Variants in CDC42BPA observed in about 807,000 individuals in gnomAD.
The protein encoded by CDC42BPA is serine/threonine-protein kinase MRCK alpha.
Under a neutral mutation model 223.5 loss-of-function variants are expected in CDC42BPA, and 80 were observed. The observed-to-expected ratio is 0.36, with a 90% CI of 0.30 to 0.43. The LOEUF is 0.43. Among genes scored for constraint, CDC42BPA ranks in the 20% least tolerant of loss-of-function variants. The pLI, the probability that CDC42BPA is intolerant of heterozygous loss-of-function variation, is 1.00. For missense variants in CDC42BPA, 1,743 were observed against 2,099.9 expected, an observed-to-expected ratio of 0.83 and a Z score of 3.32; for synonymous variants, 694 against 718.6, an observed-to-expected ratio of 0.97 and a Z score of 0.55.
intron 34 of CDC42BPA, among the ~76,000 whole-genome samples, chr1:227,014,361 G>C (rs1665802121): frequency 6.6e-6 from 1 of 151,850 alleles, no homozygotes. Context: ...TGATTAATGA[G>C]GCTGGTTTGA....
intron 5 of CDC42BPA, among the ~76,000 whole-genome samples, chr1:227,165,302 A>G (rs564871705): frequency 1.1e-4 from 16 of 152,348 alleles, no homozygotes; most frequent in African/African-American, 3.8e-4. Context: ...GAGAACATAC[A>G]TATGATAAAT....
chr1:227,255,752 GAA>G (rs1682933626), intron 1 of CDC42BPA, among the ~76,000 whole-genome samples: 1 of 152,166 alleles, frequency 6.6e-6, no homozygotes, highest in African/African-American at 2.4e-5. Flanking sequence ...CCAATGAGGT[GAA>G]AGACTTGTAC....
intron 2 of CDC42BPA, among the ~76,000 whole-genome samples, chr1:227,251,839 C>T (rs1028722889): frequency 6.6e-6 from 1 of 152,056 alleles, no homozygotes; most frequent in African/African-American, 2.4e-5. Flanking sequence ...GGATTCTAAT[C>T]ACATAGAGTA....
Position 227,035,530 on chromosome 1 carries a change from C to T in CDC42BPA, c.3277G>A (p.Gly1093Ser). The T allele has an allele frequency of 6.2e-7, 1 of 1,611,542 alleles. No individual in the cohort carries two copies. Among genetic ancestry groups the T allele is most frequent in the Non-Finnish European group, 8.5e-7 (1 of 1,179,070 alleles). Residue 1093 changes from glycine (G) to serine (S), a missense_variant, in exon 25 of 37, where the codon GGT (glycine) becomes AGT (serine). Gly to Ser is a moderately conservative substitution (Grantham distance 56). Transcript: ENST00000366766. ...TTCTGAGGATCTATACCCAGGGGAC[C>T]TTTTGTCTGTTCAGGAGGAACTGGA... ...TCPVPPEQTK[G>S]PLGIDPQKGI...
chr1:227,313,092 T>A (rs1254773492), intron 1 of CDC42BPA, among the ~76,000 whole-genome samples: 1 of 152,024 alleles, frequency 6.6e-6, no homozygotes, highest in Non-Finnish European at 1.5e-5. Flanking sequence ...ATACATAAAA[T>A]AAAAAGAGTA....
Position 227,023,361 on chromosome 1 carries a change from C to T in CDC42BPA, c.4531-14G>A. 1 of 1,373,724 alleles carries T rather than the reference C, an allele frequency of 7.3e-7. No homozygotes were observed. Among genetic ancestry groups the T allele is most frequent in the Non-Finnish European group, 1.0e-6 (1 of 993,138 alleles). The allele number at this position is 1,373,724 out of a possible 1,614,324, so 85.1% of individuals were successfully genotyped here. On this transcript the variant is annotated splice_polypyrimidine_tract_variant and intron_variant, in intron 31 of 36. Coordinates refer to ENST00000366766, the MANE Select transcript of CDC42BPA (RefSeq NM_001394014.1). ...TAAGGGTCGAACCTAAAATAAAAGA[C>T]AAAATTAGTATTTCAACAAAACCTT...
At chr1:227,003,864 A>C (rs1232259500) in intron 35 of CDC42BPA, among the ~76,000 whole-genome samples, 1 of 152,194 alleles carries the variant, frequency 6.6e-6, no homozygotes, top group African/African-American at 2.4e-5. Flanking sequence ...AGAGAGACTA[A>C]TAAAGACTGT....
intron 4 of CDC42BPA, among the ~76,000 whole-genome samples, chr1:227,198,843 G>A (rs957914440): frequency 6.6e-6 from 1 of 151,662 alleles, no homozygotes; most frequent in African/African-American, 2.4e-5. Context: ...TGCCTCCCAG[G>A]TTCAGGCTAT....
chr1:227,238,271 T>C (rs1374884069), intron 2 of CDC42BPA, among the ~76,000 whole-genome samples: 6 of 151,230 alleles, frequency 4.0e-5, no homozygotes, highest in South Asian at 2.1e-4. Flanking sequence ...AGTGGGAAGA[T>C]AGCTTGAGCC....
chr1:227,042,470 T>C (rs1044443404), intron 23 of CDC42BPA, among the ~76,000 whole-genome samples: 1 of 151,564 alleles, frequency 6.6e-6, no homozygotes, highest in Non-Finnish European at 1.5e-5. Context: ...ATAGGAGAGG[T>C]TGTGTAATCC....
chr1:227,059,277 C>T (rs1675278328), intron 21 of CDC42BPA: 1 of 988,164 alleles, frequency 1.0e-6, no homozygotes, highest in Non-Finnish European at 1.6e-6. Context: ...AATAATATAC[C>T]ACAAAAACAT....
chr1:227,020,832 G>A (rs907451640), intron 32 of CDC42BPA, among the ~76,000 whole-genome samples: 1 of 152,162 alleles, frequency 6.6e-6, no homozygotes, highest in Non-Finnish European at 1.5e-5. Context: ...CTTTCAATAT[G>A]CCTTCCTCAT....
At chr1:227,272,204 A>G (rs929905609) in intron 1 of CDC42BPA, among the ~76,000 whole-genome samples, 1 of 152,176 alleles carries the variant, frequency 6.6e-6, no homozygotes, top group Non-Finnish European at 1.5e-5. Flanking sequence ...ATTTAAAAAG[A>G]AATATTAAGG....
chr1:227,261,124 C>CTTTCTTTCTTTTTTT (rs386417862), intron 1 of CDC42BPA, among the ~76,000 whole-genome samples: 5 of 121,000 alleles, frequency 4.1e-5, no homozygotes, highest in Non-Finnish European at 8.4e-5. Context: ...TTGAGTTTTT[C>CTTTCTTTCTTTTTTT]TTTTTTTTTG....
At chr1:227,073,016 A>G (rs1459278841) in intron 19 of CDC42BPA, among the ~76,000 whole-genome samples, 1 of 152,134 alleles carries the variant, frequency 6.6e-6, no homozygotes, top group Admixed American at 6.5e-5. Context: ...ATAATCCAAC[A>G]GAAGTATCAT....
At chr1:227,198,383 AG>A (rs1671096787) in intron 4 of CDC42BPA, among the ~76,000 whole-genome samples, 1 of 150,526 alleles carries the variant, frequency 6.6e-6, no homozygotes, top group Admixed American at 6.6e-5. Context: ...GCTTGAGCCC[AG>A]GAATCAGATA....
At chr1:227,014,363 C>T (rs61567274) in intron 34 of CDC42BPA, among the ~76,000 whole-genome samples, 1 of 151,874 alleles carries the variant, frequency 6.6e-6, no homozygotes, top group Non-Finnish European at 1.5e-5. Context: ...ATTAATGAGG[C>T]TGGTTTGAAC....
At chr1:227,052,042 C>T (rs1246622866) in intron 21 of CDC42BPA, 57 bp from the exon 22 acceptor site, 2 of 1,037,728 alleles carry the variant, frequency 1.9e-6, no homozygotes, top group Non-Finnish European at 1.4e-6. Context: ...CAACAATGTG[C>T]AGGCTTAGCA....
At chr1:227,268,805 C>T (rs1387790073) in intron 1 of CDC42BPA, among the ~76,000 whole-genome samples, 1 of 151,802 alleles carries the variant, frequency 6.6e-6, no homozygotes, top group Non-Finnish European at 1.5e-5. Flanking sequence ...TCCACCTCAG[C>T]CTCCCAAGTA....
Sources: allele counts gnomAD v4.1 joint callset (sites outside exome capture counted in the v4.1 genomes callset), GRCh38; gene constraint gnomAD v4.1.1; transcripts MANE v1.5; gene names NCBI Gene and HGNC (gene_info 2026-07-23, HGNC 2026-07-21).